The following SLC6A11 variants were observed in gnomAD, a reference collection of about 807,000 sequenced individuals.
SLC6A11 encodes sodium- and chloride-dependent GABA transporter 3.
Under a neutral mutation model 74.8 loss-of-function variants are expected in SLC6A11, and 25 were observed. The observed-to-expected ratio is 0.33, with a 90% CI of 0.24 to 0.47. The LOEUF is 0.47. Ranked by LOEUF, SLC6A11 falls within the 20% of genes least tolerant of loss-of-function variation. The probability of loss-of-function intolerance (pLI) is 1.00; values close to 1 mark genes in which losing one functional copy is unlikely to be tolerated. For missense variants in SLC6A11, 574 were observed against 837.0 expected (o/e 0.69, Z 3.88); for synonymous variants, 330 against 330.2 (o/e 1.00, Z 0.01).
In SLC6A11 at chr3:10,894,096, C is replaced by T. The variant is rs539689599; in HGVS notation, c.892-17994C>T. On this transcript the variant is annotated intron_variant, in intron 6 of 13. Coordinates refer to ENST00000254488, the MANE Select transcript of SLC6A11 (RefSeq NM_014229.3). Reference sequence around the variant, plus strand: ...TGGCCTGCCATCTCCCATTAGTCCACCAGGTTAGCCACCCCTCCTGGTTTC... The same window carrying T: ...TGGCCTGCCATCTCCCATTAGTCCATCAGGTTAGCCACCCCTCCTGGTTTC... Among the ~76,000 whole-genome samples the T allele has an allele frequency of 2.0e-5, 3 of 152,276 alleles. No homozygotes were observed. The South Asian group carries it at 6.2e-4, about 32-fold the overall frequency.
chr3:10,849,794 C>CAAAAAAAAAAA (rs56099322), intron 5 of SLC6A11, among the ~76,000 whole-genome samples: 25 of 87,278 alleles, frequency 2.9e-4, no homozygotes, highest in Non-Finnish European at 4.2e-4. Context: ...TTGTTGAAGC[C>CAAAAAAAAAAA]AAAAAAAAAA....
At chr3:10,902,340 C>A (rs942258115) in intron 6 of SLC6A11, among the ~76,000 whole-genome samples, 3 of 152,206 alleles carry the variant, frequency 2.0e-5, no homozygotes, top group Admixed American at 6.5e-5. Context: ...AAGCTGGTAG[C>A]CCTAAGAGGC....
chr3:10,849,250 A>C (rs1694542709), intron 5 of SLC6A11, among the ~76,000 whole-genome samples: 1 of 152,248 alleles, frequency 6.6e-6, no homozygotes, highest in African/African-American at 2.4e-5. Context: ...GATAACTTCC[A>C]GACAGTATCT....
At chr3:10,876,666 C>G (rs750333645) in intron 6 of SLC6A11, among the ~76,000 whole-genome samples, 28 of 151,182 alleles carry the variant, frequency 1.9e-4, no homozygotes, top group Non-Finnish European at 3.2e-4. Context: ...TTATTAAGAA[C>G]CCCCAGAGGT....
intron 6 of SLC6A11, among the ~76,000 whole-genome samples, chr3:10,899,966 C>T (rs574018453): frequency 2.3e-4 from 35 of 152,308 alleles, no homozygotes; most frequent in South Asian, 8.3e-4. Flanking sequence ...GGTTTCTGCT[C>T]GCTCACTATG....
rs2292103 is a variant in SLC6A11, at chr3:10,940,491, A to C, written c.*2089A>C. The C allele has an allele frequency of 6.6e-5, 10 of 151,984 alleles. No homozygotes were observed. The highest frequency in any genetic ancestry group is 1.9e-4 in the East Asian group (1 of 5,160). 9.4% of individuals were successfully genotyped at this position (151,984 alleles called of 1,614,324 possible). ...TGTAATTTCCTACTAGTATTTGGGT[A>C]ACTTTGGGGGTGGGGAGGGCAATGT... On this transcript the variant is annotated 3_prime_UTR_variant, in exon 14 of 14. Coordinates refer to ENST00000254488, the MANE Select transcript of SLC6A11 (RefSeq NM_014229.3).
intron 5 of SLC6A11, among the ~76,000 whole-genome samples, chr3:10,866,595 T>A (rs1332831409): frequency 2.0e-5 from 3 of 152,308 alleles, no homozygotes; most frequent in South Asian, 2.1e-4. Context: ...ACGGGCTAAT[T>A]TTCACAGCTA....
chr3:10,931,675 C>T (rs766319117), intron 10 of SLC6A11, among the ~76,000 whole-genome samples: 6 of 152,234 alleles, frequency 3.9e-5, no homozygotes, highest in Admixed American at 3.9e-4. Flanking sequence ...GGCCTCACAG[C>T]TGCATTCCCC....
At chr3:10,929,122 C>T in intron 9 of SLC6A11, 80 bp from the exon 10 acceptor site, 2 of 1,494,682 alleles carry the variant, frequency 1.3e-6, no homozygotes, top group South Asian at 2.4e-5. Context: ...AGGGTTCAGG[C>T]CTGCTGCGCT....
intron 5 of SLC6A11, among the ~76,000 whole-genome samples, chr3:10,870,380 A>G (rs1472462792): frequency 1.3e-5 from 2 of 152,192 alleles, no homozygotes; most frequent in Non-Finnish European, 2.9e-5. Flanking sequence ...TAGCAGATAG[A>G]GGGGTTTCAT....
chr3:10,839,848 C>T (rs1423464618), intron 4 of SLC6A11, among the ~76,000 whole-genome samples: 1 of 152,164 alleles, frequency 6.6e-6, no homozygotes, highest in Non-Finnish European at 1.5e-5. Flanking sequence ...AAGACCCACC[C>T]TACCCATCCA....
intron 4 of SLC6A11, among the ~76,000 whole-genome samples, chr3:10,835,779 C>T (rs1416800441): frequency 1.3e-5 from 2 of 152,208 alleles, no homozygotes; most frequent in Non-Finnish European, 2.9e-5. Context: ...GACACGTCTT[C>T]CCAAGTGTGT....
At position 10,918,312 on chromosome 3, in the gene SLC6A11, T is replaced by C; in HGVS notation, c.996-17T>C. ...CTGCCCGCTCTGACCCTAGTGCCTC[T>C]CGCTGCTTCCCCACAGGGACTGCAT... On this transcript the variant is annotated splice_polypyrimidine_tract_variant and intron_variant, in intron 7 of 13. Coordinates refer to ENST00000254488, the MANE Select transcript of SLC6A11 (RefSeq NM_014229.3). This position sits in a 1 kb window ranked among gnomAD's most constrained non-coding sequence, Gnocchi z 4.5. 6.4e-7 allele frequency: 1 copy of C among 1,573,880 alleles called. No homozygotes were observed. The highest frequency in any genetic ancestry group is 8.6e-7 in the Non-Finnish European group (1 of 1,162,272).
At chr3:10,842,739 T>C (rs1694454014) in intron 4 of SLC6A11, among the ~76,000 whole-genome samples, 1 of 152,174 alleles carries the variant, frequency 6.6e-6, no homozygotes, top group Non-Finnish European at 1.5e-5. Context: ...ATGTGTATTG[T>C]ATTTAAGTGG....
intron 4 of SLC6A11, among the ~76,000 whole-genome samples, chr3:10,840,083 G>A (rs867552258): frequency 1.3e-5 from 2 of 152,104 alleles, no homozygotes; most frequent in African/African-American, 2.4e-5. Context: ...CATCTGATGG[G>A]GACTCACCAC....
intron 4 of SLC6A11, among the ~76,000 whole-genome samples, chr3:10,835,872 AG>A (rs1553665881): frequency 6.6e-6 from 1 of 152,212 alleles, no homozygotes; most frequent in Non-Finnish European, 1.5e-5. Flanking sequence ...TTAACTTTTT[AG>A]AAAGTTTATT....
chr3:10,904,494 A>G (rs1188362285), intron 6 of SLC6A11, among the ~76,000 whole-genome samples: 1 of 152,208 alleles, frequency 6.6e-6, no homozygotes, highest in Non-Finnish European at 1.5e-5. Context: ...TCATTGCTGC[A>G]GAACATGGGG....
intron 5 of SLC6A11, among the ~76,000 whole-genome samples, chr3:10,868,428 G>A (rs1694790455): frequency 6.6e-6 from 1 of 152,234 alleles, no homozygotes; most frequent in South Asian, 2.1e-4. Context: ...TCCCAGTATT[G>A]GGATGTAAAT....
At chr3:10,880,734 G>A (rs1460757483) in intron 6 of SLC6A11, among the ~76,000 whole-genome samples, 3 of 152,092 alleles carry the variant, frequency 2.0e-5, no homozygotes, top group Non-Finnish European at 4.4e-5. Flanking sequence ...GCACTTGGTG[G>A]GGAGTCCTTC....
Sources: allele counts gnomAD v4.1 joint callset (sites outside exome capture counted in the v4.1 genomes callset), GRCh38; gene constraint gnomAD v4.1.1; non-coding constraint Gnocchi (gnomAD v3.1); transcripts MANE v1.5; gene names NCBI Gene and HGNC (gene_info 2026-07-23, HGNC 2026-07-21).